The following XKR6 variants were observed in gnomAD, a reference collection of about 807,000 sequenced individuals.
XKR6 encodes the protein XK-related protein 6.
Under a neutral mutation model 56.7 loss-of-function variants are expected in XKR6, and 22 were observed. That is an observed-to-expected ratio of 0.39 (90% confidence interval 0.28 to 0.55). XKR6 has a LOEUF of 0.55. XKR6 is among the 20% of genes least tolerant of loss of function. The pLI, the probability that XKR6 is intolerant of heterozygous loss-of-function variation, is 0.66. For missense variants in XKR6, 852 were observed against 889.0 expected (o/e 0.96, Z 0.53); for synonymous variants, 524 against 387.8 (o/e 1.35, Z -4.13).
intron 1 of XKR6, among the ~76,000 whole-genome samples, chr8:11,199,865 TTAAC>T (rs1804105039): frequency 6.6e-6 from 1 of 152,170 alleles, no homozygotes; most frequent in African/African-American, 2.4e-5. Flanking sequence ...CCAGGTGGCT[TTAAC>T]TGATTTTCTG....
chr8:11,195,443 A>G (rs144312280), intron 1 of XKR6, among the ~76,000 whole-genome samples: 1 of 152,162 alleles, frequency 6.6e-6, no homozygotes, highest in African/African-American at 2.4e-5. Context: ...ACATATCAAT[A>G]TATGTACAGA....
At chr8:11,163,056 G>C (rs1801899518) in intron 1 of XKR6, among the ~76,000 whole-genome samples, 1 of 152,050 alleles carries the variant, frequency 6.6e-6, no homozygotes, top group African/African-American at 2.4e-5. Flanking sequence ...ACTTGTACAG[G>C]AAAACAAGGA....
intron 1 of XKR6, among the ~76,000 whole-genome samples, chr8:11,019,565 G>A (rs567622804): frequency 3.9e-5 from 6 of 152,326 alleles, no homozygotes; most frequent in South Asian, 2.1e-4. Flanking sequence ...CTGCTAGAAC[G>A]CGCAGGTGAC....
chr8:10,979,043 A>G (rs956716414), intron 1 of XKR6, among the ~76,000 whole-genome samples: 9 of 151,978 alleles, frequency 5.9e-5, no homozygotes, highest in Non-Finnish European at 1.2e-4. Flanking sequence ...AATTTTTCCT[A>G]TCAAAGCCTG....
chr8:11,091,412 G>A (rs1232461379), intron 1 of XKR6, among the ~76,000 whole-genome samples: 1 of 147,982 alleles, frequency 6.8e-6, no homozygotes, highest in Admixed American at 6.7e-5. Flanking sequence ...ACTCCAGTCT[G>A]GGCAACAGAA....
At chr8:11,009,109 G>T (rs996462935) in intron 1 of XKR6, among the ~76,000 whole-genome samples, 1 of 152,002 alleles carries the variant, frequency 6.6e-6, no homozygotes, top group African/African-American at 2.4e-5. Context: ...GGGAGGTCCT[G>T]TTCTGGAGCT....
rs537200699 is a variant in XKR6, at chr8:11,133,264, T to G, written c.764+67312A>C. 1.2e-4 allele frequency among the ~76,000 whole-genome samples: 18 copies of G among 152,192 alleles called. No homozygotes were observed. The South Asian group carries it at 3.1e-3, about 26-fold the overall frequency. On this transcript the variant is annotated intron_variant, in intron 1 of 2. Transcript: ENST00000416569. ...CCAGCTAGAATCACAGGTTGACAGA[T>G]CTACAAAAATACGGCGTCAGCTTCA...
chr8:11,152,469 G>T (rs917662425), intron 1 of XKR6, among the ~76,000 whole-genome samples: 1 of 152,164 alleles, frequency 6.6e-6, no homozygotes, highest in Non-Finnish European at 1.5e-5. Flanking sequence ...GGAAGAGTCT[G>T]AAGGAAGGAA....
At chr8:11,068,249 G>C (rs924465943) in intron 1 of XKR6, among the ~76,000 whole-genome samples, 3 of 152,146 alleles carry the variant, frequency 2.0e-5, no homozygotes, top group African/African-American at 4.8e-5. Flanking sequence ...AGGGGGCCTT[G>C]GTGACCACCT....
intron 1 of XKR6, among the ~76,000 whole-genome samples, chr8:10,962,687 G>A (rs113934930): frequency 0.1 from 15,558 of 151,858 alleles, 832 homozygotes; most frequent in Middle Eastern, 0.16. Flanking sequence ...GTGCAATGGC[G>A]TGATCTCAGC....
chr8:11,168,110 C>G (rs1005102524), intron 1 of XKR6, among the ~76,000 whole-genome samples: 4 of 152,106 alleles, frequency 2.6e-5, no homozygotes, highest in African/African-American at 9.7e-5. Flanking sequence ...AGACACAACA[C>G]TGTAATTTTC....
chr8:11,002,356 C>A (rs776249334), intron 1 of XKR6: 2 of 277,444 alleles, frequency 7.2e-6, no homozygotes, highest in South Asian at 3.6e-5. Context: ...TGGACCATGA[C>A]CTTTGCAGGG....
intron 1 of XKR6, among the ~76,000 whole-genome samples, chr8:11,190,551 G>A (rs1317234152): frequency 6.6e-6 from 1 of 152,200 alleles, no homozygotes. Flanking sequence ...TTACTCAGCT[G>A]TTTGATTCAT....
chr8:10,902,551 C>A (rs1259519740), intron 2 of XKR6, among the ~76,000 whole-genome samples: 1 of 152,240 alleles, frequency 6.6e-6, no homozygotes, highest in Non-Finnish European at 1.5e-5. Flanking sequence ...ATCCAGCAGG[C>A]AACACCTTTC....
chr8:11,068,906 G>A (rs931564075), intron 1 of XKR6, among the ~76,000 whole-genome samples: 1 of 152,152 alleles, frequency 6.6e-6, no homozygotes. Context: ...CCCTTGATCC[G>A]AATCCACTCC....
intron 1 of XKR6, among the ~76,000 whole-genome samples, chr8:11,141,464 T>C (rs1800694954): frequency 6.6e-6 from 1 of 152,066 alleles, no homozygotes; most frequent in African/African-American, 2.4e-5. Context: ...ATTCTCAGTG[T>C]AGAAAAAAGA....
chr8:11,181,845 T>C (rs901867659), intron 1 of XKR6, among the ~76,000 whole-genome samples: 4 of 152,206 alleles, frequency 2.6e-5, no homozygotes, highest in African/African-American at 9.6e-5. Context: ...TCCACAAAGC[T>C]GTTCCTGATT....
At chr8:11,178,371 T>A (rs1198336739) in intron 1 of XKR6, among the ~76,000 whole-genome samples, 1 of 151,800 alleles carries the variant, frequency 6.6e-6, no homozygotes, top group East Asian at 1.9e-4. Context: ...TCATGAGTCT[T>A]ATGTGGCTTC....
At chr8:11,163,667 G>A (rs959560006) in intron 1 of XKR6, among the ~76,000 whole-genome samples, 2 of 152,214 alleles carry the variant, frequency 1.3e-5, no homozygotes, top group Non-Finnish European at 2.9e-5. Context: ...TGTTTGCGTG[G>A]TCTGCTACCC....
Sources: gnomAD v4.1 joint callset for allele counts (sites outside exome capture counted in the v4.1 genomes callset) on GRCh38, gnomAD v4.1.1 for gene constraint, MANE v1.5 for transcripts, NCBI Gene and HGNC (gene_info 2026-07-23, HGNC 2026-07-21) for gene names.